KCTD8: variants seen among roughly 807,000 people sequenced by gnomAD.
The protein encoded by KCTD8 is BTB/POZ domain-containing protein KCTD8.
KCTD8 carries 27 observed loss-of-function variants against 31.5 expected under a neutral mutation model. That is an observed-to-expected ratio of 0.86 (90% CI 0.63 to 1.18). KCTD8 has a LOEUF of 1.18. Ranked by LOEUF, KCTD8 falls within the 50% of genes most tolerant of loss-of-function variation. The pLI, the probability that KCTD8 is intolerant of heterozygous loss-of-function variation, is 0.00. For synonymous variants in KCTD8, 290 were observed against 280.0 expected, an observed-to-expected ratio of 1.04 and a Z score of -0.36; for missense variants, 658 against 647.7, an observed-to-expected ratio of 1.02 and a Z score of -0.17.
intron 1 of KCTD8, among the ~76,000 whole-genome samples, chr4:44,440,586 T>A (rs1721789116): frequency 6.6e-6 from 1 of 152,214 alleles, no homozygotes; most frequent in Non-Finnish European, 1.5e-5. Flanking sequence ...GAAGTGAAAC[T>A]AAACCTCAAA....
chr4:44,381,997 T>C (rs1485581233), intron 1 of KCTD8, among the ~76,000 whole-genome samples: 3 of 152,192 alleles, frequency 2.0e-5, no homozygotes, highest in South Asian at 4.1e-4. Flanking sequence ...TGTATAATGA[T>C]AAAGGGATAA....
intron 1 of KCTD8, among the ~76,000 whole-genome samples, chr4:44,327,573 C>T (rs550032444): frequency 3.8e-4 from 57 of 151,462 alleles, no homozygotes; most frequent in Admixed American, 1.6e-3. Context: ...GGAAGAACAC[C>T]GAAGTCTGAG....
At chr4:44,331,350 T>A (rs1718586717) in intron 1 of KCTD8, among the ~76,000 whole-genome samples, 1 of 151,872 alleles carries the variant, frequency 6.6e-6, no homozygotes, top group Non-Finnish European at 1.5e-5. Context: ...AATTTAATGC[T>A]AATAAAAATA....
chr4:44,426,615 T>A (rs1721355077), intron 1 of KCTD8, among the ~76,000 whole-genome samples: 2 of 151,770 alleles, frequency 1.3e-5, no homozygotes, highest in African/African-American at 4.8e-5. Context: ...ACAAAAGATG[T>A]TATTTCTGGA....
intron 1 of KCTD8, among the ~76,000 whole-genome samples, chr4:44,323,708 A>C (rs1025684001): frequency 1.3e-5 from 2 of 151,966 alleles, no homozygotes; most frequent in African/African-American, 2.4e-5. Context: ...CCAACCTAAT[A>C]GTTTTCATGT....
chr4:44,311,646 G>A lies in KCTD8; in HGVS notation c.961+135917C>T, dbSNP rs564800337. 1.1e-4 allele frequency among the ~76,000 whole-genome samples: 17 copies of A among 152,040 alleles called. No homozygotes were observed. The South Asian group carries it at 2.7e-3, about 24-fold the overall frequency. ...TACAGTATTTAACATTCAACAGATG[G>A]TGAAATTATAAAACAAGTCCAAAGC... On this transcript the variant is annotated intron_variant, in intron 1 of 1. Transcript: ENST00000360029.
intron 1 of KCTD8, among the ~76,000 whole-genome samples, chr4:44,275,685 C>A (rs1399517609): frequency 6.6e-6 from 1 of 151,994 alleles, no homozygotes; most frequent in Non-Finnish European, 1.5e-5. Flanking sequence ...CCTTTACCAG[C>A]TTTTTATTTC....
chr4:44,351,504 GT>G (rs1719194621), intron 1 of KCTD8, among the ~76,000 whole-genome samples: 1 of 151,998 alleles, frequency 6.6e-6, no homozygotes, highest in African/African-American at 2.4e-5. Flanking sequence ...AATTATCTTT[GT>G]CATTGGTTTT....
intron 1 of KCTD8, among the ~76,000 whole-genome samples, chr4:44,319,635 G>A (rs576971170): frequency 1.3e-5 from 2 of 152,002 alleles, no homozygotes; most frequent in South Asian, 4.1e-4. Context: ...TCAAGTTGAA[G>A]AATTATTATG....
intron 1 of KCTD8, among the ~76,000 whole-genome samples, chr4:44,388,772 G>A (rs1577649982): frequency 6.6e-6 from 1 of 151,844 alleles, no homozygotes; most frequent in East Asian, 1.9e-4. Flanking sequence ...ATACCTGGGT[G>A]ATGAAATAAT....
chr4:44,285,923 C>A (rs55936743), intron 1 of KCTD8, among the ~76,000 whole-genome samples: 35,234 of 151,690 alleles, frequency 0.23, 4,798 homozygotes, highest in Non-Finnish European at 0.31. Context: ...GGGAGAAGAA[C>A]AAAATATTAA....
intron 1 of KCTD8, among the ~76,000 whole-genome samples, chr4:44,380,066 T>C (rs1173512807): frequency 1.3e-5 from 2 of 152,056 alleles, no homozygotes. Flanking sequence ...GCCATAGATA[T>C]AGATGTGTTT....
At chr4:44,443,014 C>A (rs911615798) in intron 1 of KCTD8, among the ~76,000 whole-genome samples, 1 of 152,166 alleles carries the variant, frequency 6.6e-6, no homozygotes, top group Non-Finnish European at 1.5e-5. Flanking sequence ...CATTAAACAA[C>A]AATCGGTGTC....
intron 1 of KCTD8, among the ~76,000 whole-genome samples, chr4:44,282,067 T>C (rs1716918328): frequency 6.6e-6 from 1 of 152,084 alleles, no homozygotes; most frequent in African/African-American, 2.4e-5. Flanking sequence ...AACAGCTCGA[T>C]GCATTCAACA....
chr4:44,248,073 T>C (rs945234655), intron 1 of KCTD8, among the ~76,000 whole-genome samples: 21 of 151,952 alleles, frequency 1.4e-4, no homozygotes, highest in African/African-American at 4.8e-4. Flanking sequence ...TTCAAATCTA[T>C]GTTCCTTTGT....
At chr4:44,435,805 T>A (rs1488928508) in intron 1 of KCTD8, among the ~76,000 whole-genome samples, 1 of 152,056 alleles carries the variant, frequency 6.6e-6, no homozygotes, top group African/African-American at 2.4e-5. Flanking sequence ...GCTAGGTGGC[T>A]ACAAACCAAA....
intron 1 of KCTD8, among the ~76,000 whole-genome samples, chr4:44,339,934 A>C (rs1037718004): frequency 2.0e-5 from 3 of 152,192 alleles, no homozygotes; most frequent in African/African-American, 7.2e-5. Context: ...CAATATATTC[A>C]AGTCAACAGA....
chr4:44,371,712 T>C (rs1381927178), intron 1 of KCTD8, among the ~76,000 whole-genome samples: 1 of 152,232 alleles, frequency 6.6e-6, no homozygotes, highest in Admixed American at 6.5e-5. Flanking sequence ...GTTAGTATTA[T>C]TATGAGTTAC....
chr4:44,205,948 C>T (rs553090224), intron 1 of KCTD8, among the ~76,000 whole-genome samples: 1 of 151,958 alleles, frequency 6.6e-6, no homozygotes, highest in East Asian at 1.9e-4. Context: ...AAGCAAAATC[C>T]TTTTTTTTCT....
Sources: gnomAD v4.1 joint callset for allele counts (sites outside exome capture counted in the v4.1 genomes callset) on GRCh38, gnomAD v4.1.1 for gene constraint, MANE v1.5 for transcripts, NCBI Gene and HGNC (gene_info 2026-07-23, HGNC 2026-07-21) for gene names.